The following SENP2 variants were observed in gnomAD, a reference collection of about 807,000 sequenced individuals.
SENP2 encodes the protein SUMO specific peptidase 2.
Under a neutral mutation model 86.3 loss-of-function variants are expected in SENP2, and 16 were observed. The observed-to-expected ratio is 0.19, with a 90% CI of 0.13 to 0.28. The LOEUF (loss-of-function observed/expected upper bound fraction) is 0.28, where lower values mean the gene tolerates loss of function less well. Among genes scored for constraint, SENP2 ranks in the 10% least tolerant of loss-of-function variants. SENP2 has a pLI of 1.00. For missense variants in SENP2, 552 were observed against 703.0 expected (o/e 0.79, Z 2.43); for synonymous variants, 222 against 238.7 (o/e 0.93, Z 0.64).
intron 5 of SENP2, among the ~76,000 whole-genome samples, chr3:185,604,244 G>A (rs1455670499): frequency 6.6e-6 from 1 of 152,206 alleles, no homozygotes; most frequent in Admixed American, 6.5e-5. Flanking sequence ...GGACTTTGCA[G>A]ATATCTGTTA....
intron 15 of SENP2, among the ~76,000 whole-genome samples, chr3:185,625,400 C>T (rs1344944282): frequency 2.0e-5 from 3 of 152,126 alleles, no homozygotes; most frequent in South Asian, 2.1e-4. Context: ...CGTGAGCCAC[C>T]GTACCCGGCC....
At chr3:185,617,676 A>G in intron 12 of SENP2, 65 bp downstream of exon 12, 2 of 1,441,510 alleles carry the variant, frequency 1.4e-6, no homozygotes, top group South Asian at 2.6e-5. Context: ...CTATAATCAA[A>G]GTGACTCCTA....
intron 13 of SENP2, among the ~76,000 whole-genome samples, chr3:185,621,386 CTTTTTTTTTTTTTTT>C (rs1220771289): frequency 2.5e-5 from 2 of 78,768 alleles, no homozygotes; most frequent in South Asian, 4.3e-4. Flanking sequence ...TCTTTTTTTT[CTTTTTTTTTTTTTTT>C]TTTTTTTTGA....
chr3:185,598,135 C>A (rs189781026), intron 2 of SENP2, among the ~76,000 whole-genome samples: 32 of 152,276 alleles, frequency 2.1e-4, no homozygotes, highest in South Asian at 4.1e-4. Context: ...ACCTCAGCCT[C>A]CCAGGTAGCT....
In SENP2 at chr3:185,604,704, G is replaced by A. The variant is rs565309599; in HGVS notation, c.450-1626G>A. Reference sequence around the variant, plus strand: ...ACATATTGTTTTGAACCATTTAAGAGTCTTTGATTCATGTCCCTTTAATCC... The same window carrying A: ...ACATATTGTTTTGAACCATTTAAGAATCTTTGATTCATGTCCCTTTAATCC... On this transcript the variant is annotated intron_variant, in intron 5 of 16. Coordinates refer to ENST00000296257, the MANE Select transcript of SENP2 (RefSeq NM_021627.3). 1.2e-4 allele frequency among the ~76,000 whole-genome samples: 18 copies of A among 151,852 alleles called. No individual in the cohort carries two copies. In the South Asian group the frequency reaches 3.5e-3, roughly 30 times the overall value.
At chr3:185,592,011 C>CTTTTTTTTTTGTTTTTTTTTTTTTT (rs1722019391) in intron 2 of SENP2, among the ~76,000 whole-genome samples, 1 of 65,804 alleles carries the variant, frequency 1.5e-5, no homozygotes, top group South Asian at 5.8e-4. Context: ...GGTAATATTT[C>CTTTTTTTTTTGTTTTTTTTTTTTTT]TTTTTTTTTT....
chr3:185,615,339 A>G (rs1217816592), intron 11 of SENP2, among the ~76,000 whole-genome samples: 1 of 152,090 alleles, frequency 6.6e-6, no homozygotes, highest in Admixed American at 6.6e-5. Context: ...ATATATTTAG[A>G]AGAAAATAAT....
At chr3:185,617,271 A>C (rs1711654475) in intron 11 of SENP2, among the ~76,000 whole-genome samples, 1 of 152,184 alleles carries the variant, frequency 6.6e-6, no homozygotes. Flanking sequence ...TTTGCAACCA[A>C]CTTGGGCAAT....
intron 2 of SENP2, among the ~76,000 whole-genome samples, chr3:185,597,756 C>T (rs958528564): frequency 4.6e-5 from 7 of 151,552 alleles, no homozygotes; most frequent in South Asian, 2.1e-4. Context: ...TGGGTTCAAG[C>T]GATTCTCCTG....
rs1388571148 is a variant in SENP2, at chr3:185,586,522, G to A, written c.101+8G>A. Reference sequence around the variant, plus strand: ...GAGGCGGCGCTCAGACAGGTGAGACGAGAGGGGGCTGAGCGCCAGCCTGGC... The same window carrying A: ...GAGGCGGCGCTCAGACAGGTGAGACAAGAGGGGGCTGAGCGCCAGCCTGGC... On this transcript the variant is annotated splice_region_variant and intron_variant, in intron 1 of 16. Coordinates refer to ENST00000296257, the MANE Select transcript of SENP2 (RefSeq NM_021627.3). This position sits in a 1 kb window ranked among gnomAD's most constrained non-coding sequence, Gnocchi z 4.3. 1.9e-6 allele frequency: 3 copies of A among 1,610,730 alleles called. No individual in the cohort carries two copies. Among genetic ancestry groups the A allele is most frequent in the South Asian group, 1.1e-5 (1 of 91,056 alleles).
At chr3:185,628,970 C>A (rs1225502023) in intron 16 of SENP2, among the ~76,000 whole-genome samples, 1 of 152,124 alleles carries the variant, frequency 6.6e-6, no homozygotes, top group Non-Finnish European at 1.5e-5. Context: ...TGCCAAATAG[C>A]AAAGCAGTTG....
Position 185,586,497 on chromosome 3 carries a change from G to A in SENP2, c.84G>A (p.Lys28=). 6.2e-7 allele frequency: 1 copy of A among 1,613,486 alleles called. No individual in the cohort carries two copies. Among genetic ancestry groups the A allele is most frequent in the Non-Finnish European group, 8.5e-7 (1 of 1,179,982 alleles). ...TGCCCCCTGCCCGGGCCCTCCTGAAGAGGCGGCGCTCAGACAGGTGAGACG... is the reference window on the plus strand; with the variant it reads ...TGCCCCCTGCCCGGGCCCTCCTGAAAAGGCGGCGCTCAGACAGGTGAGACG... ...RSVPPARALL[K]RRRSDSTLFS... The change falls in exon 1 of 17, where the codon AAG becomes AAA. Residue 28 remains lysine, a synonymous_variant. Coordinates refer to ENST00000296257, the MANE Select transcript of SENP2 (RefSeq NM_021627.3). This position sits in a 1 kb window ranked among gnomAD's most constrained non-coding sequence, Gnocchi z 4.3.
rs768774827 is a variant in SENP2 at position 185,624,083 on chromosome 3, G to A, written c.1611+1G>A. On this transcript the variant is annotated splice_donor_variant, in intron 15 of 16. Transcript: ENST00000296257. LOFTEE classifies it high-confidence loss of function. ...GACCCATCACAGCATGAAACCACAC[G>A]TGAGTGACGATCATCTACATGTGAC... is the stretch of plus-strand genomic sequence containing the variant. 1 of 1,599,082 alleles carries A rather than the reference G, an allele frequency of 6.3e-7. No individual in the cohort carries two copies. The highest frequency in any genetic ancestry group is 1.3e-5 in the African/African-American group (1 of 74,554).
intron 5 of SENP2, among the ~76,000 whole-genome samples, chr3:185,604,492 G>C (rs1209976175): frequency 6.6e-6 from 1 of 152,172 alleles, no homozygotes; most frequent in Admixed American, 6.5e-5. Context: ...CTTCTTTATT[G>C]ATTGATGAGT....
chr3:185,606,299 T>TA (rs760618918), intron 5 of SENP2, 31 bp from the exon 6 acceptor site: 13 of 1,566,632 alleles, frequency 8.3e-6, no homozygotes, highest in Non-Finnish European at 9.5e-6. Context: ...AGCTTGGTGA[T>TA]ACTTTTTTTC....
chr3:185,590,117 T>G lies in SENP2; in HGVS notation c.105T>G (p.Thr35=). Residue 35 remains threonine, a synonymous_variant, in exon 2 of 17, where the codon ACT becomes ACG. Coordinates refer to ENST00000296257, the MANE Select transcript of SENP2 (RefSeq NM_021627.3). ...ALLKRRRSDS[T]LFSTVDTDEI... ...TTTTTTTCTTTCTCTTTTTCAGCACTCTGTTTTCTACAGTGGACACTGATG... is the reference window on the plus strand; with the variant it reads ...TTTTTTTCTTTCTCTTTTTCAGCACGCTGTTTTCTACAGTGGACACTGATG... 1 of 1,510,268 alleles carries G rather than the reference T, an allele frequency of 6.6e-7. No homozygotes were observed. The highest frequency in any genetic ancestry group is 8.9e-7 in the Non-Finnish European group (1 of 1,123,030). 93.6% of individuals were successfully genotyped at this position (1,510,268 alleles called of 1,614,324 possible). A position where few individuals can be genotyped will look rare whatever the true frequency, so the allele number is the denominator to read the frequency against.
At chr3:185,596,950 T>C (rs1722194724) in intron 2 of SENP2, among the ~76,000 whole-genome samples, 3 of 152,104 alleles carry the variant, frequency 2.0e-5, no homozygotes, top group Admixed American at 2.0e-4. Context: ...GCTTTCCAGG[T>C]TCAAGCAATT....
chr3:185,613,087 A>G (rs1272121403), intron 9 of SENP2, among the ~76,000 whole-genome samples: 1 of 152,248 alleles, frequency 6.6e-6, no homozygotes, highest in Non-Finnish European at 1.5e-5. Flanking sequence ...GGAACATGCG[A>G]ATTCATTTAC....
intron 6 of SENP2, among the ~76,000 whole-genome samples, chr3:185,608,014 G>A (rs558322943): frequency 2.0e-5 from 3 of 152,214 alleles, no homozygotes; most frequent in Admixed American, 6.5e-5. Flanking sequence ...TGGCACTCCC[G>A]AGGACCATCT....
Sources: gnomAD v4.1 joint callset for allele counts (sites outside exome capture counted in the v4.1 genomes callset) on GRCh38, gnomAD v4.1.1 for gene constraint, Gnocchi (gnomAD v3.1) non-coding constraint, MANE v1.5 for transcripts, NCBI Gene and HGNC (gene_info 2026-07-23, HGNC 2026-07-21) for gene names.